The following ACSL1 variants were observed in gnomAD, a reference collection of about 807,000 sequenced individuals.
ACSL1 encodes the protein long-chain-fatty-acid--CoA ligase 1.
Under a neutral mutation model 98.4 loss-of-function variants are expected in ACSL1, and 41 were observed. That is an observed-to-expected ratio of 0.42 (90% CI 0.32 to 0.54). ACSL1 has a LOEUF of 0.54. Ranked by LOEUF, ACSL1 falls within the 20% of genes least tolerant of loss-of-function variation. ACSL1 has a pLI of 0.13. For missense variants in ACSL1, 734 were observed against 883.1 expected, an observed-to-expected ratio of 0.83 and a Z score of 2.14; for synonymous variants, 316 against 322.7, an observed-to-expected ratio of 0.98 and a Z score of 0.22.
At chr4:184,808,107 G>A (rs999327312) in intron 1 of ACSL1, among the ~76,000 whole-genome samples, 3 of 152,146 alleles carry the variant, frequency 2.0e-5, no homozygotes, top group East Asian at 3.9e-4. Flanking sequence ...CTCTGAACAC[G>A]TGGTGAGTTC....
At chr4:184,780,455 C>G (rs1188976582) in intron 4 of ACSL1, 22 bp from the exon 5 acceptor site, 2 of 1,595,328 alleles carry the variant, frequency 1.3e-6, no homozygotes, top group Non-Finnish European at 1.7e-6. Flanking sequence ...AGGAAAAAGT[C>G]AGAAGCAGCA....
intron 1 of ACSL1, chr4:184,805,682 C>T (rs899108868): frequency 2.8e-5 from 5 of 180,510 alleles, no homozygotes; most frequent in Admixed American, 6.5e-5. Flanking sequence ...CCGAGCCCCA[C>T]GCTGCTGCCC....
At position 184,773,313 on chromosome 4, in the gene ACSL1, C is replaced by T. The variant is rs1405775678; in HGVS notation, c.842-159G>A. 6.6e-6 allele frequency among the ~76,000 whole-genome samples: 1 copy of T among 152,214 alleles called. No homozygotes were observed. Among genetic ancestry groups the T allele is most frequent in the Non-Finnish European group, 1.5e-5 (1 of 68,046 alleles). On this transcript the variant is annotated intron_variant, in intron 9 of 20. Transcript: ENST00000281455. This position sits in a 1 kb window ranked among gnomAD's most constrained non-coding sequence, Gnocchi z 4.3. ...ATTCCTAAGCAACCTGCAATCCTTA[C>T]ACTGACTTATCTTTAAAAACCTTTA...
intron 17 of ACSL1, among the ~76,000 whole-genome samples, 164 bp downstream of exon 17, chr4:184,762,236 ACCCTGTC>A (rs145407847): frequency 0.02 from 3,111 of 152,296 alleles, 52 homozygotes; most frequent in African/African-American, 0.042. Flanking sequence ...GCTAAGTGTA[ACCCTGTC>A]CCCTGCAGGA....
At chr4:184,808,387 T>A (rs1771697190) in intron 1 of ACSL1, 1 of 985,308 alleles carries the variant, frequency 1.0e-6, no homozygotes, top group African/African-American at 1.7e-5. Context: ...TTCATCAAGA[T>A]GAATAATGGC....
chr4:184,794,921 C>T (rs1480961813), intron 2 of ACSL1, among the ~76,000 whole-genome samples: 1 of 130,758 alleles, frequency 7.6e-6, no homozygotes, highest in South Asian at 2.2e-4. Context: ...TCCCCACTAT[C>T]CCAGAGGATT....
chr4:184,759,368 A>G (rs1273132287), intron 18 of ACSL1, among the ~76,000 whole-genome samples: 1 of 152,272 alleles, frequency 6.6e-6, no homozygotes, highest in African/African-American at 2.4e-5. Flanking sequence ...GCTTCTGCAC[A>G]GCAAAAGAAA....
chr4:184,780,003 G>C (rs1236986965), intron 5 of ACSL1, among the ~76,000 whole-genome samples: 1 of 152,030 alleles, frequency 6.6e-6, no homozygotes, highest in African/African-American at 2.4e-5. Flanking sequence ...CTCCCGAGTA[G>C]CTGGGATTAC....
chr4:184,803,102 G>A lies in ACSL1; in HGVS notation c.195+218C>T, dbSNP rs183983714. ...TTTCTAGAATGATCTTCCATGTGACGAGAGGTAGACACCCAACCGACACCC... is the reference window on the plus strand; with the variant it reads ...TTTCTAGAATGATCTTCCATGTGACAAGAGGTAGACACCCAACCGACACCC... On this transcript the variant is annotated intron_variant, in intron 2 of 20. Coordinates refer to ENST00000281455, the MANE Select transcript of ACSL1 (RefSeq NM_001995.5). This position sits in a 1 kb window ranked among gnomAD's most constrained non-coding sequence, Gnocchi z 4.8. 1.2e-4 allele frequency among the ~76,000 whole-genome samples: 19 copies of A among 152,288 alleles called. No individual in the cohort carries two copies. The South Asian group carries it at 3.3e-3, about 27-fold the overall frequency.
Position 184,770,460 on chromosome 4 carries a change from C to G in ACSL1, c.932G>C (p.Cys311Ser). ...GAAAGATATCAAAGTATCATCTGGG[C>G]AAGGATTGACTGTATTCTGTAAGCA... ...VKATENTVNP[C>S]PDDTLISFLP... The change falls in exon 11 of 21, where the codon TGC becomes TCC. Residue 311 changes from cysteine to serine, a missense_variant. Transcript: ENST00000281455. 1.9e-6 allele frequency: 3 copies of G among 1,593,798 alleles called. No homozygotes were observed. Among genetic ancestry groups the G allele is most frequent in the Non-Finnish European group, 2.6e-6 (3 of 1,168,936 alleles).
intron 6 of ACSL1, 39 bp downstream of exon 6, chr4:184,776,844 AT>A (rs754161413): frequency 3.9e-5 from 62 of 1,597,910 alleles, no homozygotes; most frequent in Non-Finnish European, 5.1e-5. Flanking sequence ...AACCTAACCA[AT>A]AACTATGCCA....
intron 1 of ACSL1, among the ~76,000 whole-genome samples, chr4:184,810,506 G>C (rs1229862024): frequency 6.6e-6 from 1 of 152,228 alleles, no homozygotes; most frequent in Admixed American, 6.5e-5. Flanking sequence ...CAGAGTAGCA[G>C]TAAGTGCAAA....
intron 14 of ACSL1, 131 bp from the exon 15 acceptor site, chr4:184,765,056 T>C (rs781657529): frequency 5.8e-5 from 50 of 857,854 alleles, no homozygotes; most frequent in Non-Finnish European, 8.6e-5. Context: ...AAATGGTCTG[T>C]TCAGTAAGTT....
chr4:184,763,329 A>G, intron 15 of ACSL1, 74 bp from the exon 16 acceptor site: 2 of 1,383,546 alleles, frequency 1.4e-6, no homozygotes, highest in Non-Finnish European at 2.0e-6. Flanking sequence ...TTTTGATAGC[A>G]AACAGGATTC....
At chr4:184,818,577 T>C (rs1290896528) in intron 1 of ACSL1, among the ~76,000 whole-genome samples, 3 of 152,168 alleles carry the variant, frequency 2.0e-5, no homozygotes, top group African/African-American at 7.2e-5. Flanking sequence ...CATCTGACCA[T>C]CGGAACCTGC....
At chr4:184,801,372 G>A (rs187671751) in intron 2 of ACSL1, among the ~76,000 whole-genome samples, 1 of 152,302 alleles carries the variant, frequency 6.6e-6, no homozygotes, top group African/African-American at 2.4e-5. Context: ...TGGGGGTGCA[G>A]AATGAGGGTG....
intron 3 of ACSL1, among the ~76,000 whole-genome samples, chr4:184,786,873 T>C (rs1317810149): frequency 6.6e-6 from 1 of 152,050 alleles, no homozygotes; most frequent in East Asian, 1.9e-4. Flanking sequence ...TTTGTATTTT[T>C]AGTAGAGACG....
At chr4:184,793,043 C>T (rs576999351) in intron 2 of ACSL1, among the ~76,000 whole-genome samples, 1 of 152,224 alleles carries the variant, frequency 6.6e-6, no homozygotes, top group African/African-American at 2.4e-5. Context: ...GTGTGTGGGT[C>T]GCTTGGGCTC....
chr4:184,788,879 A>G, intron 2 of ACSL1, 148 bp from the exon 3 acceptor site: 1 of 630,762 alleles, frequency 1.6e-6, no homozygotes, highest in Non-Finnish European at 2.8e-6. Context: ...TTCTCTTAGT[A>G]ATTTCAGGTA....
Sources: gnomAD v4.1 joint callset for allele counts (sites outside exome capture counted in the v4.1 genomes callset) on GRCh38, gnomAD v4.1.1 for gene constraint, Gnocchi (gnomAD v3.1) non-coding constraint, MANE v1.5 for transcripts, NCBI Gene and HGNC (gene_info 2026-07-23, HGNC 2026-07-21) for gene names.